HIP1R: variants seen among roughly 807,000 people sequenced by gnomAD.
The protein encoded by HIP1R is huntingtin-interacting protein 1-related protein.
A neutral mutation model predicts 144.2 loss-of-function variants in HIP1R; 135 were observed. The observed-to-expected ratio is 0.94, with a 90% confidence interval of 0.81 to 1.08. The LOEUF is 1.08. HIP1R is among the 50% of genes least tolerant of loss of function. HIP1R has a pLI of 0.00. For synonymous variants in HIP1R, 698 were observed against 612.8 expected (o/e 1.14, Z -2.05); for missense variants, 1,462 against 1,432.8 (o/e 1.02, Z -0.33).
At chr12:122,849,796 C>A in intron 4 of HIP1R, 79 bp from the exon 5 acceptor site, 1 of 946,188 alleles carries the variant, frequency 1.1e-6, no homozygotes, top group South Asian at 1.4e-5. Flanking sequence ...GGTGGTGGGT[C>A]ACTCTCGTGC....
intron 29 of HIP1R, 38 bp from the exon 30 acceptor site, chr12:122,861,093 G>T (rs1286258542): frequency 3.1e-6 from 5 of 1,613,470 alleles, no homozygotes; most frequent in Non-Finnish European, 4.2e-6. Context: ...AATGGGGGTG[G>T]GTGCCCAGAT....
Position 122,856,917 on chromosome 12 carries a change from G to A in HIP1R, c.1621-104G>A, listed in dbSNP as rs75936186. The A allele has an allele frequency of 5.8e-3, 6,807 of 1,173,678 alleles. 331 individuals carry two copies. The African/African-American group carries it at 0.092, about 16-fold the overall frequency. 72.7% of individuals were successfully genotyped at this position (1,173,678 alleles called of 1,614,324 possible). A position where few individuals can be genotyped will look rare whatever the true frequency, so the allele number is the denominator to read the frequency against. On this transcript the variant is annotated intron_variant, in intron 17 of 31. Transcript: ENST00000253083. ...GTCCTCAGGGAGCCCTGAGTCTAAT[G>A]GAAGTGATCACTAACCCCCAGGGCC...
intron 1 of HIP1R, among the ~76,000 whole-genome samples, chr12:122,842,958 T>G (rs1044649878): frequency 6.6e-6 from 1 of 152,230 alleles, no homozygotes; most frequent in African/African-American, 2.4e-5. Flanking sequence ...GCCACTGGAC[T>G]GAGCTGAAGG....
At chr12:122,857,745 T>C (rs1330394377) in intron 18 of HIP1R, 1 of 267,056 alleles carries the variant, frequency 3.7e-6, no homozygotes, top group Admixed American at 4.8e-5. Context: ...CCAATGCTTA[T>C]TATTGTCTTC....
chr12:122,853,930 G>C, intron 7 of HIP1R, 113 bp from the exon 8 acceptor site: 1 of 1,243,416 alleles, frequency 8.0e-7, no homozygotes, highest in Non-Finnish European at 1.1e-6. Flanking sequence ...GGAGGCAGGG[G>C]GCACACTGGT....
At chr12:122,844,692 G>A (rs368364030) in intron 1 of HIP1R, among the ~76,000 whole-genome samples, 5 of 152,220 alleles carry the variant, frequency 3.3e-5, no homozygotes, top group Admixed American at 6.5e-5. Flanking sequence ...GACAGACCCC[G>A]GGGCGGTCAC....
chr12:122,838,577 G>A (rs536825253), intron 1 of HIP1R, among the ~76,000 whole-genome samples: 2 of 152,248 alleles, frequency 1.3e-5, no homozygotes, highest in Non-Finnish European at 2.9e-5. Context: ...CATACAGATC[G>A]TTCCAGCTAT....
At position 122,859,864 on chromosome 12, in the gene HIP1R, G is replaced by A. The variant is rs750892445; in HGVS notation, c.2465+34G>A. 53 of 1,596,012 alleles carry A rather than the reference G, an allele frequency of 3.3e-5. 1 individual carries two copies. The South Asian group carries it at 4.0e-4, about 12-fold the overall frequency. ...CCCTTCTGTCCCCCCAGGCCCAGCC[G>A]AGGTGGGCTCCCCGTGGCCCCTAAG... On this transcript the variant is annotated intron_variant, in intron 24 of 31. Coordinates refer to ENST00000253083, the MANE Select transcript of HIP1R (RefSeq NM_003959.3).
Position 122,857,053 on chromosome 12 carries a change from G to A in HIP1R, c.1653G>A (p.Thr551=), listed in dbSNP as rs1465568416. ...SKSELSSRLD[T]LSAEKDALSG... ...CGGAGCTGAGCTCACGGCTGGACAC[G>A]CTGAGTGCGGAGAAGGATGCTCTGA... Residue 551 remains threonine, a synonymous_variant, in exon 18 of 32, where the codon ACG becomes ACA. Coordinates refer to ENST00000253083, the MANE Select transcript of HIP1R (RefSeq NM_003959.3). 6 of 1,550,794 alleles carry A rather than the reference G, an allele frequency of 3.9e-6. No homozygotes were observed. In the East Asian group the frequency reaches 7.3e-5, roughly 19 times the overall value.
At position 122,861,850 on chromosome 12, in the gene HIP1R, A is replaced by G; in HGVS notation, c.*97A>G. 8.8e-7 allele frequency: 1 copy of G among 1,134,000 alleles called. No homozygotes were observed. The allele number at this position is 1,134,000 out of a possible 1,614,324, so 70.2% of individuals were successfully genotyped here. On this transcript the variant is annotated 3_prime_UTR_variant, in exon 32 of 32. Transcript: ENST00000253083. ...GGCCTTGCCCCTCCACCTGGTGCCC[A>G]AGCCTCCCGCCCCACCGTCTGGATC...
rs143219178 is a variant in HIP1R, at chr12:122,858,410, C to T, written c.2025C>T (p.His675=). Reference sequence around the variant, plus strand: ...CCGTGAGCACCCTGGAGGAGGGCCACGCCCAGTACCTGACCTCCTTGGCAG... The same window carrying T: ...CCGTGAGCACCCTGGAGGAGGGCCATGCCCAGTACCTGACCTCCTTGGCAG... The part of the protein sequence containing the change: ...LDAVSTLEEG[H]AQYLTSLADA... The change falls in exon 20 of 32, where the codon CAC becomes CAT. Residue 675 remains histidine (H), a synonymous_variant. Coordinates refer to ENST00000253083, the MANE Select transcript of HIP1R (RefSeq NM_003959.3). The T allele has an allele frequency of 4.7e-4, 749 of 1,609,798 alleles. 5 individuals carry two copies. In the African/African-American group the frequency reaches 8.4e-3, roughly 18 times the overall value.
rs757448297 is a variant in HIP1R, at chr12:122,848,118, C to G, written c.157+24C>G. 13 of 1,612,152 alleles carry G rather than the reference C, an allele frequency of 8.1e-6. No homozygotes were observed. The South Asian group carries it at 1.2e-4, about 15-fold the overall frequency. On this transcript the variant is annotated intron_variant, in intron 2 of 31. Transcript: ENST00000253083. ...GCGTATCCTTGGCCGGCTCTTGGAC[C>G]CAGGAGTTGGGTGTGGATGTGGGAG... is the stretch of plus-strand genomic sequence containing the variant.
Position 122,840,537 on chromosome 12 carries a change from G to A in HIP1R, c.93+4894G>A, listed in dbSNP as rs2033028292. Among the ~76,000 whole-genome samples, 1 of 152,236 alleles carries A rather than the reference G, an allele frequency of 6.6e-6. No individual in the cohort carries two copies. Among genetic ancestry groups the A allele is most frequent in the Non-Finnish European group, 1.5e-5 (1 of 68,046 alleles). ...TGGAGTGGTTGTGAAGAAATTTACA[G>A]GTGTTCATAGTGCCTGGTGTGTAGT... On this transcript the variant is annotated intron_variant, in intron 1 of 31. Transcript: ENST00000253083. The surrounding 1 kb of genome is among the most constrained non-coding windows in gnomAD (Gnocchi z 4.2).
chr12:122,860,151 A>G lies in HIP1R; in HGVS notation c.2500A>G (p.Ile834Val). 2 of 1,582,768 alleles carry G rather than the reference A, an allele frequency of 1.3e-6. No homozygotes were observed. Among genetic ancestry groups the G allele is most frequent in the South Asian group, 1.1e-5 (1 of 87,226 alleles). ...LNSCTDLMKA[I>V]RLLVTTSTSL... Reference sequence around the variant, plus strand: ...ATTGCTGTCTTGGTCTCGGCAGGCTATCCGGCTCCTGGTGACGACATCCAC... The same window carrying G: ...ATTGCTGTCTTGGTCTCGGCAGGCTGTCCGGCTCCTGGTGACGACATCCAC... Residue 834 changes from isoleucine (I) to valine (V), a missense_variant, in exon 26 of 32, where the codon ATC becomes GTC. Coordinates refer to ENST00000253083, the MANE Select transcript of HIP1R (RefSeq NM_003959.3).
At position 122,857,215 on chromosome 12, in the gene HIP1R, G is replaced by GGT; in HGVS notation, c.1815+1_1815+2dup. The stretch of plus-strand genomic sequence containing the variant: ...AGTTGCAGGGCCGGCTGGCAGAGAG[G>GGT]GTATGGCCTCCCCAGATGCAGCAGC... On this transcript the variant is annotated frameshift_variant and splice_region_variant. Transcript: ENST00000253083. LOFTEE classifies it high-confidence loss of function. The GGT allele has an allele frequency of 6.5e-7, 1 of 1,550,284 alleles. No individual in the cohort carries two copies. The highest frequency in any genetic ancestry group is 8.7e-7 in the Non-Finnish European group (1 of 1,146,718).
At chr12:122,848,971 C>T (rs568259733) in intron 4 of HIP1R, 119 bp downstream of exon 4, 13 of 1,025,124 alleles carry the variant, frequency 1.3e-5, no homozygotes, top group East Asian at 1.2e-4. Context: ...TTCCCAGGGG[C>T]GACAGTGGGA....
In HIP1R at chr12:122,848,811, C is replaced by G; in HGVS notation, c.316C>G (p.Gln106Glu). The stretch of plus-strand genomic sequence containing the variant: ...TGCGCTGCAGGTGCTGCATGACTGC[C>G]AGCGGTACCGCAGCAACATCCGGGA... ...DGHPNVLHDC[Q>E]RYRSNIREIG... The change falls in exon 4 of 32, where the codon CAG becomes GAG. Residue 106 changes from glutamine (Q) to glutamate (E), a missense_variant. By Grantham distance (29) the Gln-to-Glu change is conservative. Transcript: ENST00000253083. 6.2e-7 allele frequency: 1 copy of G among 1,613,260 alleles called. No individual in the cohort carries two copies. The highest frequency in any genetic ancestry group is 8.5e-7 in the Non-Finnish European group (1 of 1,180,000).
rs149673932 is a variant in HIP1R, at chr12:122,861,428, C to T, written c.3073C>T (p.Arg1025Trp). 1.2e-4 allele frequency: 187 copies of T among 1,613,404 alleles called. No homozygotes were observed. The highest frequency in any genetic ancestry group is 2.3e-4 in the South Asian group (21 of 91,084). ...CAGCCCTGGAGAGGAGGTGGCCATCCGGCCCAGCACTGCCCCCCGAAGTGT... is the reference window on the plus strand; with the variant it reads ...CAGCCCTGGAGAGGAGGTGGCCATCTGGCCCAGCACTGCCCCCCGAAGTGT... Reference protein sequence around the residue: ...SGSPGEEVAIRPSTAPRSVTT... With the variant: ...SGSPGEEVAIWPSTAPRSVTT... Residue 1025 changes from arginine to tryptophan, a missense_variant, in exon 31 of 32, where the codon CGG (arginine) becomes TGG (tryptophan). Arg to Trp is a moderately radical substitution (Grantham distance 101). This residue lies in a region of HIP1R where 1,112 missense variants were observed against 1,011.7 expected (regional missense o/e 1.10). Transcript: ENST00000253083.
rs2033757358 is a variant in HIP1R, at chr12:122,861,132, C to T, written c.2892C>T (p.Asp964=). The change falls in exon 30 of 32, where the codon GAC becomes GAT. Residue 964 remains aspartate (D), a splice_region_variant and synonymous_variant. Transcript: ENST00000253083. ...KSGQEQIEDR[D]TMDFSGLSLI... is the part of the protein sequence containing the mutation. ...CACCCCCTTGTCCTCCGGCCACAGA[C>T]ACCATGGATTTCTCCGGCCTGTCCC... is the stretch of plus-strand genomic sequence containing the variant. 1.2e-6 allele frequency: 2 copies of T among 1,613,422 alleles called. No individual in the cohort carries two copies. The highest frequency in any genetic ancestry group is 1.7e-6 in the Non-Finnish European group (2 of 1,179,994).
Sources: gnomAD v4.1 joint callset for allele counts (sites outside exome capture counted in the v4.1 genomes callset) on GRCh38, gnomAD v4.1.1 for gene constraint, gnomAD v4.1.1 regional missense constraint, Gnocchi (gnomAD v3.1) non-coding constraint, MANE v1.5 for transcripts, NCBI Gene and HGNC (gene_info 2026-07-23, HGNC 2026-07-21) for gene names.